ABL2: variants seen among roughly 807,000 people sequenced by gnomAD.
ABL2 encodes ABL proto-oncogene 2, non-receptor tyrosine kinase.
In ABL2, 49 loss-of-function variants were observed where a neutral mutation model predicts 107.7. The ratio of observed to expected loss-of-function variants is 0.45; its 90% confidence interval spans 0.36 to 0.58. ABL2 has a LOEUF of 0.58. ABL2 is among the 20% of genes least tolerant of loss of function. The probability of loss-of-function intolerance (pLI) is 0.00; values close to 1 mark genes in which losing one functional copy is unlikely to be tolerated. For synonymous variants in ABL2, 549 were observed against 548.6 expected, an observed-to-expected ratio of 1.00 and a Z score of -0.01; for missense variants, 1,245 against 1,457.0, an observed-to-expected ratio of 0.85 and a Z score of 2.37.
At chr1:179,185,766 T>C (rs1557983436) in intron 1 of ABL2, among the ~76,000 whole-genome samples, 2 of 152,160 alleles carry the variant, frequency 1.3e-5, no homozygotes, top group African/African-American at 4.8e-5. Flanking sequence ...AGATATATAA[T>C]GAGAATTTAT....
At chr1:179,206,925 A>G (rs1571318464) in intron 1 of ABL2, among the ~76,000 whole-genome samples, 1 of 152,214 alleles carries the variant, frequency 6.6e-6, no homozygotes, top group Non-Finnish European at 1.5e-5. Context: ...GCCAGCTGGA[A>G]GAAAGGAAAA....
At chr1:179,168,694 G>A (rs1035798804) in intron 1 of ABL2, among the ~76,000 whole-genome samples, 2 of 152,106 alleles carry the variant, frequency 1.3e-5, no homozygotes, top group Non-Finnish European at 2.9e-5. Flanking sequence ...TGCTTGTACA[G>A]GACACAGAGT....
At chr1:179,133,482 G>A in intron 1 of ABL2, 108 bp from the exon 2 acceptor site, 1 of 1,566,720 alleles carries the variant, frequency 6.4e-7, no homozygotes, top group Non-Finnish European at 8.7e-7. Flanking sequence ...TCATGATCAG[G>A]TCTCTACCTA....
chr1:179,160,823 G>C (rs1659018509), intron 1 of ABL2, among the ~76,000 whole-genome samples: 1 of 152,126 alleles, frequency 6.6e-6, no homozygotes, highest in South Asian at 2.1e-4. Flanking sequence ...GACATGAAAA[G>C]ATGTTCAACA....
At chr1:179,164,934 G>C (rs985310343) in intron 1 of ABL2, among the ~76,000 whole-genome samples, 12 of 152,100 alleles carry the variant, frequency 7.9e-5, no homozygotes, top group Non-Finnish European at 1.3e-4. Flanking sequence ...CTATGATAAA[G>C]TTTAATTCAT....
At chr1:179,154,482 G>A (rs1266758614) in intron 1 of ABL2, among the ~76,000 whole-genome samples, 1 of 152,178 alleles carries the variant, frequency 6.6e-6, no homozygotes. Flanking sequence ...TGTGTCTACT[G>A]TGTTTTCCTC....
intron 1 of ABL2, among the ~76,000 whole-genome samples, chr1:179,192,370 C>G (rs1373104317): frequency 1.3e-5 from 2 of 152,204 alleles, no homozygotes; most frequent in East Asian, 3.8e-4. Context: ...ATGTCAAACC[C>G]TTCCACCAAC....
intron 1 of ABL2, among the ~76,000 whole-genome samples, chr1:179,166,702 G>T (rs1173360048): frequency 6.6e-6 from 1 of 151,202 alleles, no homozygotes; most frequent in Admixed American, 6.6e-5. Flanking sequence ...GCTTGAACCT[G>T]GAAGGCAGAG....
intron 1 of ABL2, among the ~76,000 whole-genome samples, chr1:179,190,006 G>C (rs1412558991): frequency 6.6e-6 from 1 of 152,064 alleles, no homozygotes; most frequent in Non-Finnish European, 1.5e-5. Context: ...TTTTAGTAGA[G>C]ACGGGGTTTC....
At position 179,106,010 on chromosome 1, in the gene ABL2, T is replaced by G. The variant is rs964726500; in HGVS notation, c.*1708A>C. On this transcript the variant is annotated 3_prime_UTR_variant, in exon 12 of 12. Transcript: ENST00000502732. ...TACCTTAATTAAATAGATTAAGAGA[T>G]GAGGCTGTGGTTTGACAGTGTATCA... 1.8e-4 allele frequency: 40 copies of G among 220,218 alleles called. No homozygotes were observed. The Admixed American group carries it at 1.9e-3, about 10-fold the overall frequency. The allele number at this position is 220,218 out of a possible 1,614,324, so 13.6% of individuals were successfully genotyped here.
At chr1:179,169,232 T>C (rs887377825) in intron 1 of ABL2, among the ~76,000 whole-genome samples, 4 of 152,002 alleles carry the variant, frequency 2.6e-5, no homozygotes, top group African/African-American at 4.8e-5. Flanking sequence ...ATACCACCAC[T>C]ATGAGAAACA....
intron 1 of ABL2, chr1:179,143,217 A>G (rs1165577723): frequency 1.2e-6 from 1 of 863,200 alleles, no homozygotes; most frequent in Non-Finnish European, 1.6e-6. Flanking sequence ...GTGGAGAGTG[A>G]CCTAAAGGAA....
At chr1:179,135,543 C>T (rs1656815697) in intron 1 of ABL2, among the ~76,000 whole-genome samples, 2 of 151,354 alleles carry the variant, frequency 1.3e-5, no homozygotes, top group Non-Finnish European at 1.5e-5. Context: ...AGCAGCCACC[C>T]CGTCTGGGAA....
At chr1:179,151,883 A>C (rs1294329033) in intron 1 of ABL2, among the ~76,000 whole-genome samples, 1 of 152,220 alleles carries the variant, frequency 6.6e-6, no homozygotes, top group East Asian at 1.9e-4. Flanking sequence ...TGCATGCTCT[A>C]TACCTATCTA....
rs1374651185 is a variant in ABL2, at chr1:179,107,164, G to A, written c.*554C>T. On this transcript the variant is annotated 3_prime_UTR_variant, in exon 12 of 12. Coordinates refer to ENST00000502732, the MANE Select transcript of ABL2 (RefSeq NM_007314.4). Reference sequence around the variant, plus strand: ...ATAGGGCCATATTTCCCAGTTTTATGTTGTAGCACTCTGATTTGCAGTTCT... The same window carrying A: ...ATAGGGCCATATTTCCCAGTTTTATATTGTAGCACTCTGATTTGCAGTTCT... The A allele has an allele frequency of 1.3e-5, 3 of 232,666 alleles. No homozygotes were observed. The highest frequency in any genetic ancestry group is 1.3e-3 in the Middle Eastern group (1 of 800). 14.4% of individuals were successfully genotyped at this position (232,666 alleles called of 1,614,324 possible).
intron 1 of ABL2, among the ~76,000 whole-genome samples, chr1:179,145,129 G>A (rs1460756152): frequency 6.6e-6 from 1 of 152,120 alleles, no homozygotes; most frequent in Non-Finnish European, 1.5e-5. Context: ...AAAATATGAT[G>A]CTAAGTGAAA....
chr1:179,204,389 T>C (rs959458222), intron 1 of ABL2, among the ~76,000 whole-genome samples: 3 of 152,102 alleles, frequency 2.0e-5, no homozygotes, highest in African/African-American at 7.2e-5. Context: ...CACAGACATA[T>C]GCAGAGTTAA....
chr1:179,204,544 A>G (rs1571313876), intron 1 of ABL2, among the ~76,000 whole-genome samples: 2 of 151,470 alleles, frequency 1.3e-5, no homozygotes, highest in South Asian at 4.2e-4. Flanking sequence ...CCAGGAGTTC[A>G]AGAACAGCCT....
chr1:179,151,039 T>C (rs1658325817), intron 1 of ABL2, among the ~76,000 whole-genome samples: 1 of 152,206 alleles, frequency 6.6e-6, no homozygotes, highest in African/African-American at 2.4e-5. Context: ...GACATAATGC[T>C]AATTACACAC....
Sources: gnomAD v4.1 joint callset for allele counts (sites outside exome capture counted in the v4.1 genomes callset) on GRCh38, gnomAD v4.1.1 for gene constraint, MANE v1.5 for transcripts, NCBI Gene and HGNC (gene_info 2026-07-23, HGNC 2026-07-21) for gene names.